FAM114A1: variants seen among roughly 807,000 people sequenced by gnomAD.
The protein encoded by FAM114A1 is protein NOXP20.
A neutral mutation model predicts 64.3 loss-of-function variants in FAM114A1; 62 were observed. That is an observed-to-expected ratio of 0.96 (90% CI 0.79 to 1.19). The LOEUF is 1.19. Ranked by LOEUF, FAM114A1 falls within the 50% of genes most tolerant of loss-of-function variation. The pLI, the probability that FAM114A1 is intolerant of heterozygous loss-of-function variation, is 0.00. For missense variants in FAM114A1, 645 were observed against 676.3 expected, an observed-to-expected ratio of 0.95 and a Z score of 0.51; for synonymous variants, 254 against 251.1, an observed-to-expected ratio of 1.01 and a Z score of -0.11.
intron 3 of FAM114A1, among the ~76,000 whole-genome samples, chr4:38,880,876 G>A (rs1049166507): frequency 6.6e-6 from 1 of 152,080 alleles, no homozygotes; most frequent in African/African-American, 2.4e-5. Context: ...AATTATAACA[G>A]GACTGTTCAT....
intron 4 of FAM114A1, among the ~76,000 whole-genome samples, 196 bp from the exon 5 acceptor site, chr4:38,905,326 G>T (rs1242605169): frequency 6.6e-6 from 1 of 152,026 alleles, no homozygotes; most frequent in Non-Finnish European, 1.5e-5. Flanking sequence ...TTGAACTCGG[G>T]AGGCGGAGGT....
Position 38,883,711 on chromosome 4 carries a change from G to A in FAM114A1, c.348+5285G>A, listed in dbSNP as rs528981934. Among the ~76,000 whole-genome samples the A allele has an allele frequency of 9.2e-5, 14 of 152,344 alleles. No homozygotes were observed. In the South Asian group the frequency reaches 1.5e-3, roughly 16 times the overall value. On this transcript the variant is annotated intron_variant, in intron 3 of 14. Transcript: ENST00000358869. ...AGGGGACACAGGCTGAGACATGACA[G>A]CATTTAGCCTCCTAAACCGGATGAG...
intron 7 of FAM114A1, among the ~76,000 whole-genome samples, chr4:38,911,761 C>A (rs1262035223): frequency 1.3e-5 from 2 of 151,194 alleles, no homozygotes; most frequent in African/African-American, 4.9e-5. Context: ...TGCACGCGTG[C>A]ACTACCTACA....
At chr4:38,906,765 C>T (rs1322300125) in intron 6 of FAM114A1, among the ~76,000 whole-genome samples, 1 of 152,154 alleles carries the variant, frequency 6.6e-6, no homozygotes, top group Non-Finnish European at 1.5e-5. Flanking sequence ...GAACTCTTGA[C>T]CTCAGGTGAT....
At chr4:38,925,533 C>T (rs1011689056) in intron 9 of FAM114A1, among the ~76,000 whole-genome samples, 1 of 152,032 alleles carries the variant, frequency 6.6e-6, no homozygotes, top group Non-Finnish European at 1.5e-5. Flanking sequence ...CCTAAAAGCC[C>T]CCTAACAACT....
In FAM114A1 at chr4:38,886,550, C is replaced by G. The variant is rs534191967; in HGVS notation, c.349-5193C>G. ...ATAAGTTTGAAAGACACATTTTGTT[C>G]ATGTCGTGATTTTCATTTGTTGGCT... On this transcript the variant is annotated intron_variant, in intron 3 of 14. Transcript: ENST00000358869. Among the ~76,000 whole-genome samples the G allele has an allele frequency of 1.6e-4, 24 of 152,110 alleles. 1 individual carries two copies. The South Asian group carries it at 5.0e-3, about 32-fold the overall frequency.
chr4:38,882,395 C>T (rs952316155), intron 3 of FAM114A1, among the ~76,000 whole-genome samples: 6 of 151,376 alleles, frequency 4.0e-5, no homozygotes, highest in African/African-American at 1.5e-4. Context: ...TTTGGGAGGC[C>T]GAGGGGACCG....
intron 4 of FAM114A1, among the ~76,000 whole-genome samples, chr4:38,898,273 T>C (rs1212177396): frequency 6.6e-6 from 1 of 152,218 alleles, no homozygotes; most frequent in Non-Finnish European, 1.5e-5. Context: ...GTACCTGATA[T>C]GTATATTTAC....
At chr4:38,915,744 G>GGTGTGTGTGT (rs58018099) in intron 8 of FAM114A1, among the ~76,000 whole-genome samples, 8 of 139,116 alleles carry the variant, frequency 5.8e-5, no homozygotes, top group South Asian at 4.8e-4. Context: ...CATCTATAGT[G>GGTGTGTGTGT]GTGTGTGTGT....
At chr4:38,931,664 T>G (rs1263526597) in intron 11 of FAM114A1, 52 bp downstream of exon 11, 1 of 1,510,056 alleles carries the variant, frequency 6.6e-7, no homozygotes, top group Non-Finnish European at 8.9e-7. Flanking sequence ...TGTGTTCATT[T>G]TATTAGCAGC....
chr4:38,889,535 A>G (rs1381308292), intron 3 of FAM114A1, among the ~76,000 whole-genome samples: 1 of 152,160 alleles, frequency 6.6e-6, no homozygotes, highest in African/African-American at 2.4e-5. Context: ...TATATGAATT[A>G]TTTCTTTTGA....
intron 2 of FAM114A1, among the ~76,000 whole-genome samples, chr4:38,872,930 GCCAACACCCTGT>G (rs1714226582): frequency 6.6e-6 from 1 of 152,200 alleles, no homozygotes; most frequent in Non-Finnish European, 1.5e-5. Flanking sequence ...AGACTGGTTT[GCCAACACCCTGT>G]CCTAGGCTAG....
rs199550702 is a variant in FAM114A1 at position 38,905,638 on chromosome 4, G to A, written c.550+3G>A. On this transcript the variant is annotated splice_donor_region_variant and intron_variant, in intron 5 of 14. Transcript: ENST00000358869. The stretch of plus-strand genomic sequence containing the variant: ...TACTGAAAACGGAGTCCCTGAAAGT[G>A]AGTGATGTGTCTCCTCTGGGTGTTC... The A allele has an allele frequency of 8.7e-6, 14 of 1,613,144 alleles. No homozygotes were observed. Among genetic ancestry groups the A allele is most frequent in the Middle Eastern group, 1.6e-4 (1 of 6,080 alleles).
intron 7 of FAM114A1, among the ~76,000 whole-genome samples, chr4:38,909,467 C>A (rs1406211008): frequency 6.6e-6 from 1 of 152,178 alleles, no homozygotes; most frequent in Non-Finnish European, 1.5e-5. Context: ...AGTTTTCCAG[C>A]CCTTCTTGCA....
intron 9 of FAM114A1, among the ~76,000 whole-genome samples, chr4:38,923,178 T>C (rs1255367382): frequency 6.6e-6 from 1 of 151,618 alleles, no homozygotes; most frequent in Admixed American, 6.6e-5. Context: ...AAACAAAGAC[T>C]GCAATGTGCT....
At chr4:38,891,587 G>A (rs1049215530) in intron 3 of FAM114A1, among the ~76,000 whole-genome samples, 156 bp from the exon 4 acceptor site, 1 of 152,180 alleles carries the variant, frequency 6.6e-6, no homozygotes, top group Admixed American at 6.5e-5. Flanking sequence ...AGTGTGGTTT[G>A]GGATATTCTT....
intron 2 of FAM114A1, 106 bp from the exon 3 acceptor site, chr4:38,877,963 TCA>T: frequency 1.3e-6 from 1 of 749,330 alleles, no homozygotes; most frequent in Non-Finnish European, 1.9e-6. Context: ...AAACTCCGTC[TCA>T]AAAAAAAAAA....
At chr4:38,926,073 G>C (rs972576045) in intron 9 of FAM114A1, among the ~76,000 whole-genome samples, 24 of 152,138 alleles carry the variant, frequency 1.6e-4, no homozygotes, top group Non-Finnish European at 2.9e-5. Context: ...ACACTTTCAC[G>C]TTTGTTGCAG....
intron 13 of FAM114A1, among the ~76,000 whole-genome samples, chr4:38,937,596 T>G (rs1259476225): frequency 1.3e-5 from 2 of 152,150 alleles, no homozygotes; most frequent in South Asian, 4.2e-4. Flanking sequence ...TCAATATGTC[T>G]TTTTGCAGGG....
Sources: gnomAD v4.1 joint callset for allele counts (sites outside exome capture counted in the v4.1 genomes callset) on GRCh38, gnomAD v4.1.1 for gene constraint, MANE v1.5 for transcripts, NCBI Gene and HGNC (gene_info 2026-07-23, HGNC 2026-07-21) for gene names.